Variants in PDE1A observed in about 807,000 individuals in gnomAD.
The protein encoded by PDE1A is phosphodiesterase 1A, also known as dual specificity calcium/calmodulin-dependent 3',5'-cyclic nucleotide phosphodiesterase 1A.
PDE1A carries 35 observed loss-of-function variants against 61.7 expected under a neutral mutation model. The ratio of observed to expected loss-of-function variants is 0.57; its 90% CI spans 0.43 to 0.75. The LOEUF is 0.75. Among genes scored for constraint, PDE1A ranks in the 30% least tolerant of loss-of-function variants. The probability of loss-of-function intolerance (pLI) is 0.00; values close to 1 mark genes in which losing one functional copy is unlikely to be tolerated. For missense variants in PDE1A, 597 were observed against 630.6 expected (o/e 0.95, Z 0.57); for synonymous variants, 232 against 213.2 (o/e 1.09, Z -0.77).
chr2:182,172,982 A>G (rs1393532849), intron 13 of PDE1A, among the ~76,000 whole-genome samples: 1 of 152,000 alleles, frequency 6.6e-6, no homozygotes, highest in Non-Finnish European at 1.5e-5. Flanking sequence ...CAAGATCTAG[A>G]TATCATGTGG....
the PDE1A span, among the ~76,000 whole-genome samples, chr2:182,645,235 C>T: frequency 2.0e-5 from 3 of 151,346 alleles, no homozygotes; most frequent in African/African-American, 2.4e-5. Flanking sequence ...ATCTGCCCGC[C>T]TCGGCCTCCC....
chr2:182,228,799 C>T (rs533185478), intron 6 of PDE1A, among the ~76,000 whole-genome samples: 6 of 152,230 alleles, frequency 3.9e-5, no homozygotes, highest in African/African-American at 1.2e-4. Flanking sequence ...TACCACCAGA[C>T]TATTTTTGTA....
chr2:182,180,216 A>C (rs1684638279), intron 13 of PDE1A, among the ~76,000 whole-genome samples: 1 of 152,182 alleles, frequency 6.6e-6, no homozygotes, highest in Non-Finnish European at 1.5e-5. Context: ...GCAATATTTC[A>C]TGTATATAAA....
At chr2:182,393,745 A>T (rs1331852312) in intron 1 of PDE1A, among the ~76,000 whole-genome samples, 1 of 152,216 alleles carries the variant, frequency 6.6e-6, no homozygotes, top group African/African-American at 2.4e-5. Context: ...ATATCTCTTA[A>T]GTTCAAAATT....
At chr2:182,252,123 AG>A (rs755815298) in intron 2 of PDE1A, among the ~76,000 whole-genome samples, 9 of 152,184 alleles carry the variant, frequency 5.9e-5, no homozygotes, top group Non-Finnish European at 1.3e-4. Flanking sequence ...ATAAAAGTAT[AG>A]AAAACATAGG....
the PDE1A span, among the ~76,000 whole-genome samples, chr2:182,706,691 A>C: frequency 6.6e-6 from 1 of 152,108 alleles, no homozygotes; most frequent in African/African-American, 2.4e-5. Flanking sequence ...GAAGTTGCAA[A>C]AAACAAATCA....
chr2:182,188,428 CAT>C (rs1423365768), intron 11 of PDE1A, among the ~76,000 whole-genome samples: 1 of 152,164 alleles, frequency 6.6e-6, no homozygotes, highest in Non-Finnish European at 1.5e-5. Flanking sequence ...CCATGCAACA[CAT>C]GTTTTAATAA....
intron 1 of PDE1A, among the ~76,000 whole-genome samples, chr2:182,299,411 T>A (rs1247578565): frequency 6.7e-6 from 1 of 149,126 alleles, no homozygotes; most frequent in Non-Finnish European, 1.5e-5. Context: ...GTACAAGTCC[T>A]TAATACCGCT....
intron 7 of PDE1A, 128 bp from the exon 8 acceptor site, chr2:182,206,193 A>C: frequency 1.8e-6 from 1 of 570,716 alleles, no homozygotes; most frequent in Non-Finnish European, 2.9e-6. Flanking sequence ...AGAATTATGG[A>C]AGTACTTAGT....
At chr2:182,695,522 C>G in the PDE1A span, among the ~76,000 whole-genome samples, 48 of 152,028 alleles carry the variant, frequency 3.2e-4, no homozygotes, top group East Asian at 9.1e-3. Flanking sequence ...AAAAAATTAG[C>G]TGGGCGCGGT....
chr2:182,686,688 C>A, the PDE1A span, among the ~76,000 whole-genome samples: 3 of 152,178 alleles, frequency 2.0e-5, no homozygotes, highest in Non-Finnish European at 2.9e-5. Context: ...GCATGCAGGA[C>A]AGTGGGTGCA....
intron 2 of PDE1A, among the ~76,000 whole-genome samples, chr2:182,432,321 C>G (rs1019793006): frequency 6.6e-6 from 1 of 152,116 alleles, no homozygotes; most frequent in Non-Finnish European, 1.5e-5. Flanking sequence ...GTCATGCATA[C>G]CACCAGAATA....
the PDE1A span, among the ~76,000 whole-genome samples, chr2:182,545,554 G>C: frequency 6.6e-6 from 1 of 152,084 alleles, no homozygotes; most frequent in Non-Finnish European, 1.5e-5. Flanking sequence ...AGATGAGAAA[G>C]CCTGATTTCA....
exon 15 of PDE1A, chr2:182,141,183 A>G (rs1574480270): frequency 6.6e-6 from 1 of 152,250 alleles, no homozygotes; most frequent in Admixed American, 6.5e-5. Flanking sequence ...GAGAGATTCT[A>G]TAGCTTTACT....
At chr2:182,210,901 A>C (rs753982040) in intron 7 of PDE1A, among the ~76,000 whole-genome samples, 1 of 14,734 alleles carries the variant, frequency 6.8e-5, no homozygotes, top group African/African-American at 2.7e-4. Context: ...GTAATTTATC[A>C]AAAAAAAAAA....
intron 1 of PDE1A, among the ~76,000 whole-genome samples, chr2:182,304,993 C>A (rs927009581): frequency 6.6e-6 from 1 of 152,132 alleles, no homozygotes; most frequent in African/African-American, 2.4e-5. Context: ...ACTCCATTGT[C>A]CCTCAGATGA....
At chr2:182,627,952 A>AG in the PDE1A span, among the ~76,000 whole-genome samples, 1 of 151,736 alleles carries the variant, frequency 6.6e-6, no homozygotes, top group African/African-American at 2.4e-5. Flanking sequence ...TCAAAAAAAA[A>AG]AAAGAAAGAA....
chr2:182,209,879 G>A (rs945876154), intron 7 of PDE1A, among the ~76,000 whole-genome samples: 3 of 152,096 alleles, frequency 2.0e-5, no homozygotes, highest in African/African-American at 7.2e-5. Context: ...TTCTCTGCCA[G>A]CTTTTTATAG....
intron 13 of PDE1A, among the ~76,000 whole-genome samples, chr2:182,155,058 TA>T (rs138172697): frequency 0.045 from 6,601 of 145,556 alleles, 334 homozygotes; most frequent in African/African-American, 0.11. Flanking sequence ...AACATGAATA[TA>T]AAAAAATGTC....
Sources: allele counts gnomAD v4.1 joint callset (sites outside exome capture counted in the v4.1 genomes callset), GRCh38; gene constraint gnomAD v4.1.1; transcripts MANE v1.5; gene names NCBI Gene and HGNC (gene_info 2026-07-23, HGNC 2026-07-21).